Variants in PNLIPRP1 observed in about 807,000 individuals in gnomAD.
PNLIPRP1 encodes inactive pancreatic lipase-related protein 1.
A neutral mutation model predicts 54.6 loss-of-function variants in PNLIPRP1; 57 were observed. That is an observed-to-expected ratio of 1.04 (90% confidence interval 0.84 to 1.30). The LOEUF (loss-of-function observed/expected upper bound fraction) is 1.30, where lower values mean the gene tolerates loss of function less well. PNLIPRP1 is among the 50% of genes most tolerant of loss of function. The pLI is 0.00. For missense variants in PNLIPRP1, 567 were observed against 568.5 expected (o/e 1.00, Z 0.03); for synonymous variants, 232 against 208.8 (o/e 1.11, Z -0.96).
At chr10:116,591,693 A>T in intron 2 of PNLIPRP1, 78 bp from the exon 3 acceptor site, 1 of 1,436,436 alleles carries the variant, frequency 7.0e-7, no homozygotes, top group Non-Finnish European at 9.6e-7. Context: ...TAGAAGAGTG[A>T]CCAGGCCCGA....
At chr10:116,608,040 G>C (rs1238477559) in intron 12 of PNLIPRP1, among the ~76,000 whole-genome samples, 1 of 152,060 alleles carries the variant, frequency 6.6e-6, no homozygotes, top group Non-Finnish European at 1.5e-5. Context: ...ATTTTTAGTA[G>C]AGACAGGGTC....
chr10:116,594,874 C>T lies in PNLIPRP1; in HGVS notation c.465+10C>T, dbSNP rs782820625. On this transcript the variant is annotated intron_variant, in intron 5 of 12. Coordinates refer to ENST00000358834, the MANE Select transcript of PNLIPRP1 (RefSeq NM_006229.4). ...GCTCGACATCCTCTTGGTGAGTCAG[C>T]TGGCTGGCCTATGTGAGGAGGGAAG... The T allele has an allele frequency of 2.5e-6, 4 of 1,613,420 alleles. No individual in the cohort carries two copies. Among genetic ancestry groups the T allele is most frequent in the Non-Finnish European group, 3.4e-6 (4 of 1,179,898 alleles).
intron 12 of PNLIPRP1, among the ~76,000 whole-genome samples, chr10:116,608,703 C>A (rs1416634655): frequency 6.6e-6 from 1 of 152,232 alleles, no homozygotes; most frequent in Non-Finnish European, 1.5e-5. Context: ...CCGAGAGTGA[C>A]TGGAAGACAG....
intron 5 of PNLIPRP1, chr10:116,595,264 C>G: frequency 4.5e-6 from 1 of 222,318 alleles, no homozygotes; most frequent in South Asian, 7.4e-5. Flanking sequence ...CCACAGAGAG[C>G]CAACGGACAG....
intron 12 of PNLIPRP1, among the ~76,000 whole-genome samples, chr10:116,607,176 A>C (rs1847949126): frequency 6.6e-6 from 1 of 152,028 alleles, no homozygotes; most frequent in Admixed American, 6.6e-5. Flanking sequence ...CTCCAATGAC[A>C]CAGTATCCAA....
rs75676200 is a variant in PNLIPRP1, at chr10:116,608,622, C to A, written c.1341-431C>A. Among the ~76,000 whole-genome samples, 17 of 152,362 alleles carry A rather than the reference C, an allele frequency of 1.1e-4. No individual in the cohort carries two copies. The East Asian group carries it at 3.3e-3, about 29-fold the overall frequency. On this transcript the variant is annotated intron_variant, in intron 12 of 12. Coordinates refer to ENST00000358834, the MANE Select transcript of PNLIPRP1 (RefSeq NM_006229.4). ...ACATGTGTGGTGAGGATGCAGTTTG[C>A]ATAAGTGAATTAAGCAGCATAATTG...
In PNLIPRP1 at chr10:116,596,312, C is replaced by T; in HGVS notation, c.564C>T (p.Ser188=). ...CAGGAAGCAAGACTCCAGGCCTGAGCAGGATTACAGGTAAGGCCCCAGAGG... is the reference window on the plus strand; with the variant it reads ...CAGGAAGCAAGACTCCAGGCCTGAGTAGGATTACAGGTAAGGCCCCAGAGG... ...GEAGSKTPGL[S]RITGLDPVEA... Residue 188 remains serine (S), a synonymous_variant, in exon 6 of 13, where the codon AGC becomes AGT. Coordinates refer to ENST00000358834, the MANE Select transcript of PNLIPRP1 (RefSeq NM_006229.4). 4 of 1,606,200 alleles carry T rather than the reference C, an allele frequency of 2.5e-6. No homozygotes were observed. Among genetic ancestry groups the T allele is most frequent in the Non-Finnish European group, 3.4e-6 (4 of 1,173,344 alleles).
chr10:116,597,697 T>C, intron 6 of PNLIPRP1, 131 bp from the exon 7 acceptor site: 1 of 1,002,904 alleles, frequency 1.0e-6, no homozygotes. Flanking sequence ...CCCAAGGCCA[T>C]GGCACTGCAT....
chr10:116,591,795 TC>T lies in PNLIPRP1; in HGVS notation c.75del (p.Cys27AlafsTer16). 6.2e-7 allele frequency: 1 copy of T among 1,614,220 alleles called. No homozygotes were observed. The highest frequency in any genetic ancestry group is 8.5e-7 in the Non-Finnish European group (1 of 1,180,038). On this transcript the variant is annotated frameshift_variant, in exon 3 of 13. Coordinates refer to ENST00000358834, the MANE Select transcript of PNLIPRP1 (RefSeq NM_006229.4). LOFTEE classifies it high-confidence loss of function. ...AKGKEVCYED[L>X]GCFSDTEPWG... Reference sequence around the variant, plus strand: ...GGAAAAGAAGTTTGCTATGAGGACCTCGGGTGCTTTTCTGACACTGAGCCCT... The same window carrying T: ...GGAAAAGAAGTTTGCTATGAGGACCTGGGTGCTTTTCTGACACTGAGCCCT...
At chr10:116,595,044 C>T (rs972185714) in intron 5 of PNLIPRP1, 180 bp downstream of exon 5, 20 of 670,812 alleles carry the variant, frequency 3.0e-5, no homozygotes, top group African/African-American at 9.0e-5. Context: ...AAATAAGAAT[C>T]GCTAACACTT....
intron 4 of PNLIPRP1, among the ~76,000 whole-genome samples, chr10:116,593,373 A>G (rs1404932292): frequency 7.2e-5 from 11 of 152,074 alleles, no homozygotes; most frequent in Admixed American, 7.2e-4. Flanking sequence ...ACAATATACC[A>G]TCATCCTTTC....
intron 10 of PNLIPRP1, among the ~76,000 whole-genome samples, chr10:116,602,582 G>T (rs1362338870): frequency 1.3e-5 from 2 of 152,216 alleles, no homozygotes; most frequent in African/African-American, 4.8e-5. Context: ...TGTTGGGCTT[G>T]GTGGCTGTTG....
intron 4 of PNLIPRP1, chr10:116,593,603 G>A (rs1218411003): frequency 1.3e-5 from 2 of 152,144 alleles, no homozygotes; most frequent in African/African-American, 2.4e-5. Flanking sequence ...GCATCTTATT[G>A]ATACAGTTTA....
intron 12 of PNLIPRP1, among the ~76,000 whole-genome samples, chr10:116,606,860 A>C (rs1490894968): frequency 6.6e-6 from 1 of 152,200 alleles, no homozygotes; most frequent in Non-Finnish European, 1.5e-5. Flanking sequence ...CTGCTCCAGA[A>C]AGACTCTTTC....
intron 12 of PNLIPRP1, among the ~76,000 whole-genome samples, chr10:116,608,653 A>C (rs909836021): frequency 1.3e-5 from 2 of 152,262 alleles, no homozygotes; most frequent in African/African-American, 4.8e-5. Context: ...AATTGGCTGC[A>C]GATGAGAAGG....
At chr10:116,596,762 A>C (rs1847744961) in intron 6 of PNLIPRP1, among the ~76,000 whole-genome samples, 1 of 152,174 alleles carries the variant, frequency 6.6e-6, no homozygotes, top group African/African-American at 2.4e-5. Context: ...CTAGTAGAAG[A>C]AACCCAGTCG....
At chr10:116,608,276 G>A (rs1847971262) in intron 12 of PNLIPRP1, among the ~76,000 whole-genome samples, 2 of 152,130 alleles carry the variant, frequency 1.3e-5, no homozygotes, top group Admixed American at 1.3e-4. Flanking sequence ...GAAAAGCTTG[G>A]ACCAAAATCT....
chr10:116,591,688 G>C (rs1336343457), intron 2 of PNLIPRP1, 83 bp from the exon 3 acceptor site: 5 of 1,397,728 alleles, frequency 3.6e-6, no homozygotes, highest in East Asian at 4.6e-5. Context: ...CTGAATAGAA[G>C]AGTGACCAGG....
At chr10:116,594,565 A>G (rs1847700215) in intron 4 of PNLIPRP1, 165 bp from the exon 5 acceptor site, 9 of 730,912 alleles carry the variant, frequency 1.2e-5, no homozygotes, top group Non-Finnish European at 2.1e-5. Context: ...CATAGCATTC[A>G]CCCTGAAGGA....
Sources: allele counts gnomAD v4.1 joint callset (sites outside exome capture counted in the v4.1 genomes callset), GRCh38; gene constraint gnomAD v4.1.1; transcripts MANE v1.5; gene names NCBI Gene and HGNC (gene_info 2026-07-23, HGNC 2026-07-21).